The following PDE9A variants were observed in gnomAD, a reference collection of about 807,000 sequenced individuals.
The protein encoded by PDE9A is high affinity cGMP-specific 3',5'-cyclic phosphodiesterase 9A.
PDE9A carries 60 observed loss-of-function variants against 87.4 expected under a neutral mutation model. The observed-to-expected ratio is 0.69, with a 90% CI of 0.56 to 0.85. The LOEUF (loss-of-function observed/expected upper bound fraction) is 0.85, where lower values mean the gene tolerates loss of function less well. PDE9A is among the 40% of genes least tolerant of loss of function. The pLI is 0.00. For missense variants in PDE9A, 665 were observed against 779.0 expected, an observed-to-expected ratio of 0.85 and a Z score of 1.74; for synonymous variants, 272 against 279.4, an observed-to-expected ratio of 0.97 and a Z score of 0.27.
chr21:42,687,656 G>C lies in PDE9A; in HGVS notation c.141-261G>C, dbSNP rs900515755. 1.6e-4 allele frequency among the ~76,000 whole-genome samples: 24 copies of C among 152,178 alleles called. 1 individual carries two copies. Among genetic ancestry groups the C allele is most frequent in the Admixed American group, 1.4e-3 (21 of 15,284 alleles). On this transcript the variant is annotated intron_variant, in intron 2 of 19. Coordinates refer to ENST00000291539, the MANE Select transcript of PDE9A (RefSeq NM_002606.3). ...AAAAAAAATCTCCCAACTCAATAAAGTAGACTTGCTCCAATTCCCATTTTA... is the reference window on the plus strand; with the variant it reads ...AAAAAAAATCTCCCAACTCAATAAACTAGACTTGCTCCAATTCCCATTTTA...
At chr21:42,668,310 C>A (rs1227278488) in intron 1 of PDE9A, among the ~76,000 whole-genome samples, 1 of 152,132 alleles carries the variant, frequency 6.6e-6, no homozygotes, top group African/African-American at 2.4e-5. Context: ...AGCTCCCACT[C>A]GGAGTCCTGA....
chr21:42,732,218 C>T (rs2051869107), intron 6 of PDE9A, 94 bp downstream of exon 6: 13 of 1,252,208 alleles, frequency 1.0e-5, no homozygotes, highest in Admixed American at 5.8e-5. Flanking sequence ...TGGCCTTGGC[C>T]GGCAAGCGTG....
chr21:42,745,679 G>T (rs570672205), intron 8 of PDE9A, among the ~76,000 whole-genome samples: 1 of 152,374 alleles, frequency 6.6e-6, no homozygotes, highest in South Asian at 2.1e-4. Context: ...TGCGCCCCAG[G>T]TGCCATGGCT....
In PDE9A at chr21:42,739,271, G is replaced by A. The variant is rs903191039; in HGVS notation, c.569-4505G>A. ...TAGGGCCGTCCTGCTGCTGTCTGCA[G>A]ACCTCTCAGGCTTGAGGCCCCCCGC... On this transcript the variant is annotated intron_variant, in intron 7 of 19. Transcript: ENST00000291539. The surrounding 1 kb of genome is among the most constrained non-coding windows in gnomAD (Gnocchi z 4.1). Among the ~76,000 whole-genome samples the A allele has an allele frequency of 1.3e-5, 2 of 152,248 alleles. No individual in the cohort carries two copies. The highest frequency in any genetic ancestry group is 2.4e-5 in the African/African-American group (1 of 41,474).
In PDE9A at chr21:42,746,455, C is replaced by T. The variant is rs549590296; in HGVS notation, c.653+2595C>T. ...TCTCTTGGCCTCTGGTGGCTGCCGG[C>T]GGCATTCTCTGCCTGCTTCTTCACC... On this transcript the variant is annotated intron_variant, in intron 8 of 19. Coordinates refer to ENST00000291539, the MANE Select transcript of PDE9A (RefSeq NM_002606.3). 4.0e-4 allele frequency among the ~76,000 whole-genome samples: 61 copies of T among 152,320 alleles called. 2 individuals are homozygous for T. The South Asian group carries it at 0.011, about 27-fold the overall frequency.
rs1216377831 is a variant in PDE9A at position 42,726,592 on chromosome 21, CCATATA to C, written c.263-5177_263-5172del. ...TATTACTGAATGCCACCACGCCTGG[CCATATA>C]TATATATATATATATATATATATAT... On this transcript the variant is annotated intron_variant, in intron 4 of 19. Coordinates refer to ENST00000291539, the MANE Select transcript of PDE9A (RefSeq NM_002606.3). 1.3e-3 allele frequency among the ~76,000 whole-genome samples: 97 copies of C among 74,168 alleles called. 7 individuals are homozygous for C. Among genetic ancestry groups the C allele is most frequent in the African/African-American group, 4.8e-3 (67 of 13,922 alleles). 48.7% of individuals were successfully genotyped at this position (74,168 alleles called of 152,430 possible).
At chr21:42,662,234 A>G (rs2057557535) in intron 1 of PDE9A, among the ~76,000 whole-genome samples, 2 of 151,966 alleles carry the variant, frequency 1.3e-5, no homozygotes, top group South Asian at 4.1e-4. Context: ...CCACCCCCCC[A>G]GGTTGTCAAG....
intron 10 of PDE9A, chr21:42,757,884 A>G (rs549635535): frequency 3.3e-5 from 5 of 152,288 alleles, no homozygotes; most frequent in Admixed American, 3.3e-4. Flanking sequence ...CCCGTCTCCA[A>G]ATAGCCCCAC....
intron 1 of PDE9A, among the ~76,000 whole-genome samples, chr21:42,685,518 G>C (rs935555680): frequency 7.4e-5 from 10 of 135,292 alleles, no homozygotes; most frequent in African/African-American, 2.3e-4. Flanking sequence ...CCAGGCTGGA[G>C]TGCAATGGTG....
chr21:42,697,004 A>G (rs2060177132), intron 3 of PDE9A, among the ~76,000 whole-genome samples: 1 of 152,136 alleles, frequency 6.6e-6, no homozygotes, highest in Non-Finnish European at 1.5e-5. Context: ...ACCCACCACT[A>G]AAAGGCCTTT....
At position 42,710,939 on chromosome 21, in the gene PDE9A, G is replaced by A. The variant is rs749031615; in HGVS notation, c.262+11928G>A. On this transcript the variant is annotated intron_variant, in intron 4 of 19. Coordinates refer to ENST00000291539, the MANE Select transcript of PDE9A (RefSeq NM_002606.3). ...GGAGGTGGATGTTGCAGTAAGCTGA[G>A]ATCGCGCCTTGCACTCCAGCCTGGG... Among the ~76,000 whole-genome samples the A allele has an allele frequency of 4.0e-4, 61 of 152,180 alleles. 1 individual carries two copies. The highest frequency in any genetic ancestry group is 6.0e-4 in the Non-Finnish European group (41 of 68,038).
intron 1 of PDE9A, among the ~76,000 whole-genome samples, chr21:42,676,940 T>G (rs2058873474): frequency 6.6e-6 from 1 of 152,232 alleles, no homozygotes; most frequent in Non-Finnish European, 1.5e-5. Context: ...AGTAGCTGTG[T>G]GAATACAGCA....
At chr21:42,754,870 G>A (rs1314665776) in intron 10 of PDE9A, among the ~76,000 whole-genome samples, 7 of 152,116 alleles carry the variant, frequency 4.6e-5, no homozygotes, top group Non-Finnish European at 7.3e-5. Flanking sequence ...AGTCCCTTAA[G>A]ACTCTTTTTC....
chr21:42,688,014 C>G lies in PDE9A; in HGVS notation c.218+20C>G, dbSNP rs753327860. The G allele has an allele frequency of 1.9e-6, 3 of 1,601,742 alleles. No individual in the cohort carries two copies. The African/African-American group carries it at 4.0e-5, about 21-fold the overall frequency. ...AGAACGGTAAGAGGCTCCGGCCGCG[C>G]TCCTCGGGGTGTGCCTGGCACTTCT... On this transcript the variant is annotated intron_variant, in intron 3 of 19. Transcript: ENST00000291539.
chr21:42,707,807 A>G (rs2048964172), intron 4 of PDE9A, among the ~76,000 whole-genome samples: 1 of 152,220 alleles, frequency 6.6e-6, no homozygotes, highest in African/African-American at 2.4e-5. Flanking sequence ...CATACCTTGC[A>G]TGGTTCTTGG....
At chr21:42,671,077 G>A (rs1017132410) in intron 1 of PDE9A, among the ~76,000 whole-genome samples, 1 of 152,206 alleles carries the variant, frequency 6.6e-6, no homozygotes, top group African/African-American at 2.4e-5. Flanking sequence ...CAAAGGAAGC[G>A]TTCTACTCCA....
At chr21:42,743,463 A>G (rs2053518431) in intron 7 of PDE9A, among the ~76,000 whole-genome samples, 1 of 152,208 alleles carries the variant, frequency 6.6e-6, no homozygotes, top group South Asian at 2.1e-4. Context: ...TGGAGCAAAA[A>G]GTGGGTGCCA....
rs374806068 is a variant in PDE9A at position 42,733,515 on chromosome 21, G to A, written c.568+89G>A. On this transcript the variant is annotated intron_variant, in intron 7 of 19. Coordinates refer to ENST00000291539, the MANE Select transcript of PDE9A (RefSeq NM_002606.3). Reference sequence around the variant, plus strand: ...TTGGAACGGGGAGGAGTTCAGTGCCGAAGGTAAATACAAATAAATGTCTTT... The same window carrying A: ...TTGGAACGGGGAGGAGTTCAGTGCCAAAGGTAAATACAAATAAATGTCTTT... 1,484 of 758,538 alleles carry A rather than the reference G, an allele frequency of 2.0e-3. 3 individuals carry two copies. The highest frequency in any genetic ancestry group is 2.7e-3 in the Non-Finnish European group (1,145 of 417,362). The allele number at this position is 758,538 out of a possible 1,614,324, so 47.0% of individuals were successfully genotyped here.
intron 7 of PDE9A, chr21:42,741,863 T>A (rs1602396895): frequency 6.6e-6 from 1 of 152,306 alleles, no homozygotes; most frequent in East Asian, 1.9e-4. Context: ...TTAGAAAACA[T>A]TTGCTTTTTA....
Sources: gnomAD v4.1 joint callset for allele counts (sites outside exome capture counted in the v4.1 genomes callset) on GRCh38, gnomAD v4.1.1 for gene constraint, Gnocchi (gnomAD v3.1) non-coding constraint, MANE v1.5 for transcripts, NCBI Gene and HGNC (gene_info 2026-07-23, HGNC 2026-07-21) for gene names.